IL6R: variants seen among roughly 807,000 people sequenced by gnomAD.
IL6R encodes the protein interleukin-6 receptor subunit alpha.
Under a neutral mutation model 48.3 loss-of-function variants are expected in IL6R, and 38 were observed. That is an observed-to-expected ratio of 0.79 (90% CI 0.61 to 1.03). The LOEUF is 1.03. Ranked by LOEUF, IL6R falls within the 50% of genes least tolerant of loss-of-function variation. The pLI is 0.00. For synonymous variants in IL6R, 264 were observed against 256.2 expected, an observed-to-expected ratio of 1.03 and a Z score of -0.29; for missense variants, 534 against 618.3, an observed-to-expected ratio of 0.86 and a Z score of 1.45.
At chr1:154,458,845 G>C (rs1433887751) in intron 9 of IL6R, among the ~76,000 whole-genome samples, 3 of 151,260 alleles carry the variant, frequency 2.0e-5, no homozygotes, top group Non-Finnish European at 4.4e-5. Context: ...AGGTTGCAGT[G>C]AGCCGAGATC....
intron 8 of IL6R, among the ~76,000 whole-genome samples, chr1:154,450,573 C>T (rs1690530317): frequency 6.6e-6 from 1 of 152,216 alleles, no homozygotes; most frequent in South Asian, 2.1e-4. Flanking sequence ...AATGAATGTG[C>T]TGCAAACAAG....
intron 1 of IL6R, among the ~76,000 whole-genome samples, chr1:154,419,766 T>G (rs1688544574): frequency 6.6e-6 from 1 of 152,094 alleles, no homozygotes; most frequent in South Asian, 2.1e-4. Flanking sequence ...TGCAAGAGAG[T>G]TGAGAAATAT....
chr1:154,420,299 G>A (rs1171008710), intron 1 of IL6R, among the ~76,000 whole-genome samples: 1 of 152,010 alleles, frequency 6.6e-6, no homozygotes. Context: ...ATGCTAGACC[G>A]CAGGAGTGGG....
chr1:154,432,564 G>A (rs547377696), intron 3 of IL6R, among the ~76,000 whole-genome samples: 1 of 152,074 alleles, frequency 6.6e-6, no homozygotes, highest in Non-Finnish European at 1.5e-5. Flanking sequence ...CACCATGTTA[G>A]CGGGGCTGGT....
At chr1:154,438,602 G>A (rs1300918409) in intron 6 of IL6R, among the ~76,000 whole-genome samples, 1 of 152,116 alleles carries the variant, frequency 6.6e-6, no homozygotes, top group Non-Finnish European at 1.5e-5. Context: ...CCCGACCCCT[G>A]CCACTTTCTC....
rs1570984177 is a variant in IL6R, at chr1:154,446,167, G to A, written c.950-1958G>A. ...TAAGTGTGTAACTGTCCTCTGCTGG[G>A]CTGGGAAGAACGCAAAGGAACAATA... On this transcript the variant is annotated intron_variant, in intron 6 of 9. Transcript: ENST00000368485. Among the ~76,000 whole-genome samples, 3 of 152,260 alleles carry A rather than the reference G, an allele frequency of 2.0e-5. No individual in the cohort carries two copies. The East Asian group carries it at 5.8e-4, about 29-fold the overall frequency.
intron 1 of IL6R, among the ~76,000 whole-genome samples, chr1:154,426,508 G>A (rs1411960635): frequency 8.6e-5 from 12 of 139,024 alleles, no homozygotes; most frequent in African/African-American, 3.0e-4. Context: ...GTGATAGAGC[G>A]AGATTCTGTC....
At chr1:154,435,240 T>G (rs1570963645) in intron 5 of IL6R, 84 bp downstream of exon 5, 1 of 1,311,408 alleles carries the variant, frequency 7.6e-7, no homozygotes, top group Non-Finnish European at 1.1e-6. Flanking sequence ...CCAGGCATGG[T>G]GGCTCACGCC....
At chr1:154,442,586 C>A (rs982185307) in intron 6 of IL6R, among the ~76,000 whole-genome samples, 23 of 152,164 alleles carry the variant, frequency 1.5e-4, no homozygotes, top group African/African-American at 5.6e-4. Flanking sequence ...CCTGGCCCCC[C>A]GCACAGACTG....
chr1:154,411,947 C>CTTT (rs1179153554), intron 1 of IL6R, among the ~76,000 whole-genome samples: 8 of 132,656 alleles, frequency 6.0e-5, no homozygotes, highest in African/African-American at 2.0e-4. Flanking sequence ...TCCTAAGAGC[C>CTTT]TTTTTTTTTT....
chr1:154,451,087 G>A (rs1391769213), intron 8 of IL6R, among the ~76,000 whole-genome samples: 1 of 152,220 alleles, frequency 6.6e-6, no homozygotes, highest in Non-Finnish European at 1.5e-5. Flanking sequence ...CAAAAGGGAG[G>A]CACAGATAAA....
rs796484366 is a variant in IL6R, at chr1:154,468,785, C to T, written c.*3405C>T. The T allele has an allele frequency of 2.0e-5, 3 of 152,416 alleles. No homozygotes were observed. The highest frequency in any genetic ancestry group is 7.2e-5 in the African/African-American group (3 of 41,562). 9.4% of individuals were successfully genotyped at this position (152,416 alleles called of 1,614,324 possible). A position where few individuals can be genotyped will look rare whatever the true frequency, so the allele number is the denominator to read the frequency against. ...CCTGGAGAATGTTCAGGAATGTCTTCCCAGCTGCTTTGGTGCTGAGCTCTA... is the reference window on the plus strand; with the variant it reads ...CCTGGAGAATGTTCAGGAATGTCTTTCCAGCTGCTTTGGTGCTGAGCTCTA... On this transcript the variant is annotated 3_prime_UTR_variant, in exon 10 of 10. Transcript: ENST00000368485.
rs981512355 is a variant in IL6R at position 154,429,524 on chromosome 1, G to A, written c.334+80G>A. 6 of 1,457,568 alleles carry A rather than the reference G, an allele frequency of 4.1e-6. No homozygotes were observed. The Admixed American group carries it at 1.0e-4, about 25-fold the overall frequency. 90.3% of individuals were successfully genotyped at this position (1,457,568 alleles called of 1,614,324 possible). A position where few individuals can be genotyped will look rare whatever the true frequency, so the allele number is the denominator to read the frequency against. On this transcript the variant is annotated intron_variant, in intron 2 of 9. Coordinates refer to ENST00000368485, the MANE Select transcript of IL6R (RefSeq NM_000565.4). ...TGCATTCCAGACAGTCCCTGTCTGA[G>A]CCTTCAAACTCCCACCATTTCCTTG... is the stretch of plus-strand genomic sequence containing the variant.
chr1:154,414,344 C>T, intron 1 of IL6R: 1 of 1,235,304 alleles, frequency 8.1e-7, no homozygotes, highest in Non-Finnish European at 1.2e-6. Context: ...GTGCCCTGCC[C>T]CACCCTGTGC....
chr1:154,464,999 A>T, intron 9 of IL6R, 135 bp from the exon 10 acceptor site: 1 of 893,632 alleles, frequency 1.1e-6, no homozygotes, highest in Non-Finnish European at 1.8e-6. Context: ...GACAGCTGAT[A>T]GTTATTGCTC....
At chr1:154,409,496 C>G (rs1299119478) in intron 1 of IL6R, among the ~76,000 whole-genome samples, 1 of 152,096 alleles carries the variant, frequency 6.6e-6, no homozygotes, top group Non-Finnish European at 1.5e-5. Flanking sequence ...TCTTTGACAG[C>G]CAGTGTTCTA....
At chr1:154,414,757 A>T (rs984319765) in intron 1 of IL6R, 13 of 776,578 alleles carry the variant, frequency 1.7e-5, no homozygotes, top group African/African-American at 1.4e-4. Flanking sequence ...ATTGGTCTGG[A>T]TGTCCTTGGC....
At chr1:154,414,349 C>T (rs781624872) in intron 1 of IL6R, 136 of 1,292,424 alleles carry the variant, frequency 1.1e-4, no homozygotes, top group Non-Finnish European at 1.4e-4. Context: ...CTGCCCCACC[C>T]TGTGCCTGGT....
At chr1:154,436,198 C>T (rs1689620729) in intron 6 of IL6R, 88 bp downstream of exon 6, 1 of 1,441,340 alleles carries the variant, frequency 6.9e-7, no homozygotes, top group South Asian at 1.4e-5. Flanking sequence ...TGCCTCAAAA[C>T]TAGTGGCTTA....
Sources: allele counts gnomAD v4.1 joint callset (sites outside exome capture counted in the v4.1 genomes callset), GRCh38; gene constraint gnomAD v4.1.1; transcripts MANE v1.5; gene names NCBI Gene and HGNC (gene_info 2026-07-23, HGNC 2026-07-21).